The following SGCZ variants were observed in gnomAD, a reference collection of about 807,000 sequenced individuals.
The protein encoded by SGCZ is sarcoglycan zeta, also known as zeta-sarcoglycan.
In SGCZ, 40 loss-of-function variants were observed where a neutral mutation model predicts 41.3. The observed-to-expected ratio is 0.97, with a 90% CI of 0.75 to 1.26. The LOEUF (loss-of-function observed/expected upper bound fraction) is 1.26, where lower values mean the gene tolerates loss of function less well. Ranked by LOEUF, SGCZ falls within the 50% of genes most tolerant of loss-of-function variation. The pLI is 0.00. For missense variants in SGCZ, 552 were observed against 369.8 expected, an observed-to-expected ratio of 1.49 and a Z score of -4.04; for synonymous variants, 206 against 137.5, an observed-to-expected ratio of 1.50 and a Z score of -3.49.
chr8:14,781,658 A>G (rs1800590942), intron 1 of SGCZ, among the ~76,000 whole-genome samples: 1 of 152,222 alleles, frequency 6.6e-6, no homozygotes, highest in Non-Finnish European at 1.5e-5. Flanking sequence ...GTTGCTACAT[A>G]TAGACGTTCC....
intron 2 of SGCZ, among the ~76,000 whole-genome samples, chr8:14,430,438 C>A (rs916033724): frequency 6.6e-6 from 1 of 151,994 alleles, no homozygotes; most frequent in African/African-American, 2.4e-5. Context: ...GAATCAAAAC[C>A]AAAAATGACA....
At chr8:14,143,594 G>T (rs918327554) in intron 5 of SGCZ, among the ~76,000 whole-genome samples, 1 of 152,058 alleles carries the variant, frequency 6.6e-6, no homozygotes, top group Non-Finnish European at 1.5e-5. Flanking sequence ...AGACATGTAG[G>T]CTCCACCAAT....
chr8:14,269,816 C>G (rs767590427), intron 3 of SGCZ, among the ~76,000 whole-genome samples: 11 of 152,052 alleles, frequency 7.2e-5, no homozygotes, highest in Admixed American at 2.0e-4. Flanking sequence ...GGTCAACAGT[C>G]TGCATACGTT....
At chr8:14,647,581 T>C (rs1362117392) in intron 1 of SGCZ, among the ~76,000 whole-genome samples, 2 of 152,068 alleles carry the variant, frequency 1.3e-5, no homozygotes, top group Admixed American at 1.3e-4. Context: ...TTAGACATGG[T>C]TGTGGCATAA....
intron 1 of SGCZ, among the ~76,000 whole-genome samples, chr8:14,839,465 AAAGTT>A (rs1365609660): frequency 2.6e-5 from 4 of 152,194 alleles, no homozygotes; most frequent in Non-Finnish European, 5.9e-5. Context: ...GTTCAGGAGA[AAAGTT>A]AAATAGAGAT....
At chr8:14,790,359 G>C (rs930017249) in intron 1 of SGCZ, among the ~76,000 whole-genome samples, 1 of 152,134 alleles carries the variant, frequency 6.6e-6, no homozygotes, top group Non-Finnish European at 1.5e-5. Context: ...CAATAATCTT[G>C]TCAATGAAAC....
At chr8:14,311,658 G>T (rs184441513) in intron 3 of SGCZ, among the ~76,000 whole-genome samples, 3 of 152,298 alleles carry the variant, frequency 2.0e-5, no homozygotes, top group African/African-American at 7.2e-5. Flanking sequence ...CAGGAATAAT[G>T]AGGTCAGCTC....
At position 14,143,203 on chromosome 8, in the gene SGCZ, A is replaced by C. The variant is rs181523789; in HGVS notation, c.547+21377T>G. On this transcript the variant is annotated intron_variant, in intron 5 of 7. Coordinates refer to ENST00000382080, the MANE Select transcript of SGCZ (RefSeq NM_139167.4). ...GAACGTATTTTTAAAAACCTATAGC[A>C]AACATTGTACGTAATGATGAAAGAC... Among the ~76,000 whole-genome samples, 213 of 152,274 alleles carry C rather than the reference A, an allele frequency of 1.4e-3. 1 individual carries two copies. Among genetic ancestry groups the C allele is most frequent in the Non-Finnish European group, 1.5e-3 (103 of 68,026 alleles).
At chr8:14,794,620 A>T (rs1201513852) in intron 1 of SGCZ, among the ~76,000 whole-genome samples, 1 of 152,220 alleles carries the variant, frequency 6.6e-6, no homozygotes, top group Non-Finnish European at 1.5e-5. Context: ...AAGTTAGAAA[A>T]TAAAAATAGC....
chr8:15,236,866 G>C lies in SGCZ; in HGVS notation c.39+719C>G, dbSNP rs1439629996. ...TGGTGGGAGACCGTGTGCGGCCGGAGCCTCCGCAGATGCCGCCCCTACCAG... is the reference window on the plus strand; with the variant it reads ...TGGTGGGAGACCGTGTGCGGCCGGACCCTCCGCAGATGCCGCCCCTACCAG... On this transcript the variant is annotated intron_variant, in intron 1 of 7. Transcript: ENST00000382080. Among the ~76,000 whole-genome samples the C allele has an allele frequency of 2.0e-5, 3 of 152,172 alleles. No homozygotes were observed. In the East Asian group the frequency reaches 5.9e-4, roughly 30 times the overall value.
At chr8:14,799,308 G>A (rs1001062877) in intron 1 of SGCZ, among the ~76,000 whole-genome samples, 3 of 152,024 alleles carry the variant, frequency 2.0e-5, no homozygotes, top group Non-Finnish European at 2.9e-5. Context: ...ATATGCTCTT[G>A]AGCAAAAAGT....
rs369090223 is a variant in SGCZ at position 14,851,368 on chromosome 8, CAAAAAA to C, written c.40-296448_40-296443del. Among the ~76,000 whole-genome samples the C allele has an allele frequency of 4.9e-3, 305 of 61,904 alleles. 1 individual carries two copies. Among genetic ancestry groups the C allele is most frequent in the South Asian group, 0.016 (16 of 1,032 alleles). The allele number at this position is 61,904 out of a possible 152,430, so 40.6% of individuals were successfully genotyped here. A position where few individuals can be genotyped will look rare whatever the true frequency, so the allele number is the denominator to read the frequency against. ...TGGGCGACAGAGCGAGACTCCATCTCAAAAAAAAAAAAAAAAAAAAAAGAAAAAAAG... is the reference window on the plus strand; with the variant it reads ...TGGGCGACAGAGCGAGACTCCATCTCAAAAAAAAAAAAAAAAGAAAAAAAG... On this transcript the variant is annotated intron_variant, in intron 1 of 7. Coordinates refer to ENST00000382080, the MANE Select transcript of SGCZ (RefSeq NM_139167.4).
intron 2 of SGCZ, among the ~76,000 whole-genome samples, chr8:14,522,931 T>C (rs1802833465): frequency 6.6e-6 from 1 of 151,872 alleles, no homozygotes; most frequent in Non-Finnish European, 1.5e-5. Flanking sequence ...GTTTTTATTA[T>C]TCTATTTTGA....
In SGCZ at chr8:14,136,722, G is replaced by A. The variant is rs560517330; in HGVS notation, c.547+27858C>T. On this transcript the variant is annotated intron_variant, in intron 5 of 7. Transcript: ENST00000382080. ...TCCATAGACTCCACCTCTGGGGGCA[G>A]GACATAGCTGAACAAAAGGCAGCAG... Among the ~76,000 whole-genome samples, 5 of 152,306 alleles carry A rather than the reference G, an allele frequency of 3.3e-5. No individual in the cohort carries two copies. In the South Asian group the frequency reaches 1.0e-3, roughly 32 times the overall value.
Position 14,090,487 on chromosome 8 carries a change from C to T in SGCZ, c.895G>A (p.Gly299Ser), listed in dbSNP as rs745751915. ...GKLYLSPAGV[G>S]STCQSSSNIC... ...TTGCTACTGGACTGACAAGTGGAAC[C>T]TACTCCTGCTGGAGAAAGGTAAAGT... Residue 299 changes from glycine (G) to serine (S), a missense_variant, in exon 8 of 8, where the codon GGT becomes AGT. Physicochemically the swap from Gly to Ser is moderately conservative, Grantham distance 56. Coordinates refer to ENST00000382080, the MANE Select transcript of SGCZ (RefSeq NM_139167.4). 1 of 1,613,034 alleles carries T rather than the reference C, an allele frequency of 6.2e-7. No homozygotes were observed. The highest frequency in any genetic ancestry group is 2.2e-5 in the East Asian group (1 of 44,812).
At chr8:14,867,511 C>G (rs1261919364) in intron 1 of SGCZ, among the ~76,000 whole-genome samples, 1 of 151,734 alleles carries the variant, frequency 6.6e-6, no homozygotes, top group African/African-American at 2.4e-5. Flanking sequence ...GTCTTTAGGT[C>G]TTTGAGGAAT....
rs550348698 is a variant in SGCZ, at chr8:14,797,178, C to T, written c.40-242252G>A. On this transcript the variant is annotated intron_variant, in intron 1 of 7. Coordinates refer to ENST00000382080, the MANE Select transcript of SGCZ (RefSeq NM_139167.4). ...GCAGGGGTGGGGACAGTTTGGAGGG[C>T]TCAGAAGACAGGAAAATGTGGGAAA... Among the ~76,000 whole-genome samples, 66 of 152,050 alleles carry T rather than the reference C, an allele frequency of 4.3e-4. 1 individual carries two copies. Among genetic ancestry groups the T allele is most frequent in the Admixed American group, 8.5e-4 (13 of 15,278 alleles).
At chr8:15,022,267 T>C (rs1003573901) in intron 1 of SGCZ, among the ~76,000 whole-genome samples, 40 of 152,242 alleles carry the variant, frequency 2.6e-4, no homozygotes, top group African/African-American at 9.6e-4. Context: ...CATGTAATTC[T>C]GCTGCTTTAA....
intron 1 of SGCZ, among the ~76,000 whole-genome samples, chr8:14,937,750 A>T (rs1257462065): frequency 6.6e-6 from 1 of 152,076 alleles, no homozygotes; most frequent in Admixed American, 6.6e-5. Context: ...TGTCAAATAC[A>T]TATTTTTTTC....
Sources: allele counts gnomAD v4.1 joint callset (sites outside exome capture counted in the v4.1 genomes callset), GRCh38; gene constraint gnomAD v4.1.1; transcripts MANE v1.5; gene names NCBI Gene and HGNC (gene_info 2026-07-23, HGNC 2026-07-21).